LIMS1: variants seen among roughly 807,000 people sequenced by gnomAD.
The protein encoded by LIMS1 is LIM and senescent cell antigen-like-containing domain protein 1.
Under a neutral mutation model 44.1 loss-of-function variants are expected in LIMS1, and 18 were observed. The observed-to-expected ratio is 0.41, with a 90% CI of 0.28 to 0.61. The LOEUF is 0.61. Ranked by LOEUF, LIMS1 falls within the 20% of genes least tolerant of loss-of-function variation. LIMS1 has a pLI of 0.32. For synonymous variants in LIMS1, 93 were observed against 149.1 expected (o/e 0.62, Z 2.74); for missense variants, 201 against 422.0 (o/e 0.48, Z 4.59).
intron 5 of LIMS1, 141 bp downstream of exon 5, chr2:108,673,170 G>A: frequency 7.7e-7 from 1 of 1,296,376 alleles, no homozygotes; most frequent in Non-Finnish European, 1.1e-6. Flanking sequence ...GACGAGTCAA[G>A]AGAATGATAT....
chr2:108,590,869 G>A (rs1367839947), intron 1 of LIMS1, among the ~76,000 whole-genome samples: 1 of 152,184 alleles, frequency 6.6e-6, no homozygotes, highest in Non-Finnish European at 1.5e-5. Context: ...TGGAAGATTT[G>A]TTAAACAGGG....
exon 10 of LIMS1, chr2:108,687,030 A>C (rs1693347816): frequency 6.6e-6 from 1 of 152,248 alleles, no homozygotes; most frequent in Non-Finnish European, 1.5e-5. Flanking sequence ...AAGCCTTATT[A>C]GCACTGCACC....
At chr2:108,672,057 C>A (rs1692200239) in intron 3 of LIMS1, among the ~76,000 whole-genome samples, 1 of 150,218 alleles carries the variant, frequency 6.7e-6, no homozygotes, top group Non-Finnish European at 1.5e-5. Context: ...ATCCCAGCTA[C>A]TTGGGAGGCT....
At chr2:108,608,827 A>G (rs545461036) in intron 1 of LIMS1, among the ~76,000 whole-genome samples, 1 of 152,262 alleles carries the variant, frequency 6.6e-6, no homozygotes, top group Non-Finnish European at 1.5e-5. Context: ...CTTCCGAGAA[A>G]TAGGGATACC....
chr2:108,552,935 T>G (rs1238064179), intron 1 of LIMS1, among the ~76,000 whole-genome samples: 4 of 152,044 alleles, frequency 2.6e-5, no homozygotes, highest in African/African-American at 9.7e-5. Flanking sequence ...GGCATAGAGA[T>G]AGATTGGGGA....
intron 1 of LIMS1, among the ~76,000 whole-genome samples, chr2:108,631,573 T>G (rs1390297879): frequency 1.3e-5 from 2 of 151,198 alleles, no homozygotes; most frequent in Non-Finnish European, 2.9e-5. Flanking sequence ...TTCTAAGACA[T>G]CTGTTATAGC....
At chr2:108,673,168 A>G in intron 5 of LIMS1, 139 bp downstream of exon 5, 2 of 1,308,698 alleles carry the variant, frequency 1.5e-6, no homozygotes, top group Non-Finnish European at 1.1e-6. Context: ...TAGACGAGTC[A>G]AGAGAATGAT....
At chr2:108,571,560 G>A (rs1488035495) in intron 1 of LIMS1, among the ~76,000 whole-genome samples, 1 of 152,154 alleles carries the variant, frequency 6.6e-6, no homozygotes, top group East Asian at 1.9e-4. Flanking sequence ...CTCATCTAAG[G>A]TGGGACAATA....
chr2:108,682,129 A>G (rs1280905124), intron 9 of LIMS1, among the ~76,000 whole-genome samples: 21 of 152,068 alleles, frequency 1.4e-4, no homozygotes, highest in Admixed American at 1.2e-3. Context: ...GTTTTCCCTC[A>G]TAGTTACCAT....
chr2:108,589,877 T>C (rs1242798702), intron 1 of LIMS1, among the ~76,000 whole-genome samples: 2 of 152,210 alleles, frequency 1.3e-5, no homozygotes, highest in African/African-American at 2.4e-5. Flanking sequence ...TCTAGTTTCA[T>C]ACCATTGTGA....
chr2:108,624,618 G>A (rs1411863090), intron 1 of LIMS1, among the ~76,000 whole-genome samples: 4 of 152,120 alleles, frequency 2.6e-5, no homozygotes, highest in African/African-American at 9.7e-5. Context: ...TTAGCTGGAC[G>A]TGGTGGCAAG....
intron 1 of LIMS1, among the ~76,000 whole-genome samples, chr2:108,544,842 TC>T (rs1482832064): frequency 6.6e-6 from 1 of 152,168 alleles, no homozygotes; most frequent in Non-Finnish European, 1.5e-5. Flanking sequence ...TGAAGGCCAA[TC>T]TTTTTTCACT....
intron 6 of LIMS1, 96 bp from the exon 7 acceptor site, chr2:108,676,510 C>A: frequency 7.0e-7 from 1 of 1,429,628 alleles, no homozygotes; most frequent in Admixed American, 2.5e-5. Context: ...CTCAAACTTT[C>A]CTTCATCTTC....
intron 1 of LIMS1, among the ~76,000 whole-genome samples, chr2:108,586,698 T>C (rs919773476): frequency 6.6e-6 from 1 of 152,152 alleles, no homozygotes; most frequent in Non-Finnish European, 1.5e-5. Context: ...TTCCTTCCTT[T>C]AGATTTTAAC....
At chr2:108,601,259 A>T (rs555979240) in intron 1 of LIMS1, among the ~76,000 whole-genome samples, 114 of 152,246 alleles carry the variant, frequency 7.5e-4, no homozygotes, top group African/African-American at 2.6e-3. Context: ...ATATATATAT[A>T]TTTTCTTACA....
chr2:108,644,151 A>G (rs1689906034), intron 1 of LIMS1, among the ~76,000 whole-genome samples: 1 of 152,182 alleles, frequency 6.6e-6, no homozygotes, highest in Non-Finnish European at 1.5e-5. Flanking sequence ...ACAGCGTTCA[A>G]GCTCTGATAA....
rs559549416 is a variant in LIMS1, at chr2:108,608,336, C to T, written c.33-51269C>T. ...TTTTTTTTTTTTTGAGACGGTGTCT[C>T]GCTCTGTCACTCAGGCTGGAGTGCA... is the stretch of plus-strand genomic sequence containing the variant. On this transcript the variant is annotated intron_variant, in intron 1 of 9. Coordinates refer to ENST00000544547, the Ensembl canonical transcript of LIMS1. Among the ~76,000 whole-genome samples, 11 of 148,120 alleles carry T rather than the reference C, an allele frequency of 7.4e-5. No individual in the cohort carries two copies. In the South Asian group the frequency reaches 1.3e-3, roughly 17 times the overall value.
chr2:108,678,340 A>G (rs1487643352), intron 8 of LIMS1: 2 of 466,372 alleles, frequency 4.3e-6, no homozygotes, highest in Non-Finnish European at 7.5e-6. Flanking sequence ...AACAACGTTT[A>G]TTAGGAACAG....
chr2:108,643,383 GAAGCGC>G (rs2148925143), intron 1 of LIMS1, among the ~76,000 whole-genome samples: 1 of 152,298 alleles, frequency 6.6e-6, no homozygotes, highest in East Asian at 1.9e-4. Flanking sequence ...CCTCACCCGG[GAAGCGC>G]AAGGGGTTGG....
Sources: allele counts gnomAD v4.1 joint callset (sites outside exome capture counted in the v4.1 genomes callset), GRCh38; gene constraint gnomAD v4.1.1; transcripts MANE v1.5; gene names NCBI Gene and HGNC (gene_info 2026-07-23, HGNC 2026-07-21).